The following DOCK8 variants were observed in gnomAD, a reference collection of about 807,000 sequenced individuals.
DOCK8 encodes the protein dedicator of cytokinesis 8.
In DOCK8, 141 loss-of-function variants were observed where a neutral mutation model predicts 245.6. The ratio of observed to expected loss-of-function variants is 0.57; its 90% CI spans 0.50 to 0.66. DOCK8 has a LOEUF of 0.66. Ranked by LOEUF, DOCK8 falls within the 30% of genes least tolerant of loss-of-function variation. The probability of loss-of-function intolerance (pLI) is 0.00; values close to 1 mark genes in which losing one functional copy is unlikely to be tolerated. For missense variants in DOCK8, 2,965 were observed against 2,603.4 expected, an observed-to-expected ratio of 1.14 and a Z score of -3.02; for synonymous variants, 1,168 against 970.2, an observed-to-expected ratio of 1.20 and a Z score of -3.79.
intron 14 of DOCK8, chr9:365,465 G>C (rs1036822705): frequency 7.4e-6 from 3 of 405,738 alleles, no homozygotes; most frequent in Non-Finnish European, 1.4e-5. Flanking sequence ...ACAGAAGTAA[G>C]TCACTTCTCA....
At chr9:333,147 C>T (rs1055521463) in intron 10 of DOCK8, among the ~76,000 whole-genome samples, 2 of 152,194 alleles carry the variant, frequency 1.3e-5, no homozygotes, top group Non-Finnish European at 2.9e-5. Context: ...TGGCCTTCCT[C>T]AACAGCATGG....
rs750458976 is a variant in DOCK8 at position 433,884 on chromosome 9, C to G, written c.4795C>G (p.Leu1599Val). The change falls in exon 38 of 48, where the codon CTT (leucine) becomes GTT (valine). Residue 1599 changes from leucine to valine, a missense_variant. Physicochemically the swap from Leu to Val is conservative, Grantham distance 32 (BLOSUM62 1). Coordinates refer to ENST00000432829, the MANE Select transcript of DOCK8 (RefSeq NM_203447.4). The stretch of plus-strand genomic sequence containing the variant: ...CTTACACTTTTTGCAGGTGGAGGAA[C>G]TTCTCTGTAATCTGAATAGCATCTT... Reference protein sequence around the residue: ...MTPFPTQVEELLCNLNSILYD... With the variant: ...MTPFPTQVEEVLCNLNSILYD... The G allele has an allele frequency of 3.7e-6, 6 of 1,613,848 alleles. No homozygotes were observed. In the East Asian group the frequency reaches 6.7e-5, roughly 18 times the overall value.
chr9:369,948 T>C, intron 15 of DOCK8: 1 of 446,506 alleles, frequency 2.2e-6, no homozygotes, highest in African/African-American at 2.0e-5. Context: ...ACTATACGCA[T>C]GTGCCACCAC....
intron 33 of DOCK8, among the ~76,000 whole-genome samples, chr9:423,479 A>G (rs2056361135): frequency 6.6e-6 from 1 of 152,218 alleles, no homozygotes; most frequent in African/African-American, 2.4e-5. Context: ...CAAAGGGGGT[A>G]TGGGGCAGAC....
intron 1 of DOCK8, among the ~76,000 whole-genome samples, chr9:264,379 A>G (rs986783379): frequency 9.2e-5 from 14 of 152,236 alleles, no homozygotes; most frequent in African/African-American, 3.4e-4. Flanking sequence ...CCCTGTGAGG[A>G]AGAAACATAA....
Position 215,747 on chromosome 9 carries a change from A to T in DOCK8, c.53+718A>T, listed in dbSNP as rs547561050. On this transcript the variant is annotated intron_variant, in intron 1 of 47. Coordinates refer to ENST00000432829, the MANE Select transcript of DOCK8 (RefSeq NM_203447.4). ...TCCAATTCCTAATCAAAGTTGCACA[A>T]ACTAAATATGTAAGCACATTTACTG... is the stretch of plus-strand genomic sequence containing the variant. 2.1e-5 allele frequency: 5 copies of T among 237,412 alleles called. No individual in the cohort carries two copies. In the East Asian group the frequency reaches 4.7e-4, roughly 22 times the overall value. The allele number at this position is 237,412 out of a possible 1,614,324, so 14.7% of individuals were successfully genotyped here.
upstream of DOCK8, chr9:214,489 A>G: frequency 2.5e-6 from 4 of 1,607,422 alleles, no homozygotes; most frequent in Non-Finnish European, 3.4e-6. Flanking sequence ...AATGGTGTCA[A>G]CCCTTAATAA....
intron 1 of DOCK8, among the ~76,000 whole-genome samples, chr9:238,717 A>G (rs1216811697): frequency 6.6e-6 from 1 of 152,240 alleles, no homozygotes; most frequent in Non-Finnish European, 1.5e-5. Context: ...TTCCAGTTAC[A>G]AAATATCACC....
rs759571992 is a variant in DOCK8, at chr9:428,471, C to T, written c.4448C>T (p.Ala1483Val). ...ACCACCTACCTGACTCACTGCTTTG[C>T]AACACTCCGTGCTCTCATCGCCAAG... ...QSTTYLTHCF[A>V]TLRALIAKFG... Residue 1483 changes from alanine to valine, a missense_variant, in exon 35 of 48, where the codon GCA (alanine) becomes GTA (valine). Coordinates refer to ENST00000432829, the MANE Select transcript of DOCK8 (RefSeq NM_203447.4). 4.3e-6 allele frequency: 7 copies of T among 1,614,090 alleles called. No individual in the cohort carries two copies. Among genetic ancestry groups the T allele is most frequent in the African/African-American group, 1.3e-5 (1 of 74,924 alleles).
chr9:419,516 C>T (rs1038627381), intron 30 of DOCK8, among the ~76,000 whole-genome samples: 10 of 152,200 alleles, frequency 6.6e-5, no homozygotes, highest in Admixed American at 2.0e-4. Context: ...GAGGTTGTAT[C>T]TCAAGATTTC....
intron 20 of DOCK8, among the ~76,000 whole-genome samples, 200 bp downstream of exon 20, chr9:377,411 T>A (rs1486518071): frequency 6.6e-6 from 1 of 152,172 alleles, no homozygotes; most frequent in Admixed American, 6.5e-5. Context: ...AACATTAAAA[T>A]AGGGTTCTTA....
At chr9:392,290 CCACTGGGGAG>C (rs1189880769) in intron 24 of DOCK8, among the ~76,000 whole-genome samples, 1 of 152,022 alleles carries the variant, frequency 6.6e-6, no homozygotes, top group Non-Finnish European at 1.5e-5. Context: ...AATGAACCAT[CCACTGGGGAG>C]GAAATAGGAA....
intron 26 of DOCK8, among the ~76,000 whole-genome samples, chr9:401,079 CCA>C (rs763870666): frequency 1.3e-4 from 2 of 15,322 alleles, no homozygotes. Context: ...ATCATCACCA[CCA>C]CCACCTCCAC....
At chr9:318,332 G>A (rs10969887) in intron 7 of DOCK8, among the ~76,000 whole-genome samples, 32,427 of 152,080 alleles carry the variant, frequency 0.21, 3,519 homozygotes, top group Admixed American at 0.25. Context: ...TCCCTTCAGC[G>A]GCCCCTGGTT....
At chr9:265,843 C>T (rs904625422) in intron 1 of DOCK8, among the ~76,000 whole-genome samples, 2 of 152,144 alleles carry the variant, frequency 1.3e-5, no homozygotes, top group African/African-American at 4.8e-5. Context: ...CAGGACTATA[C>T]AGCCCAGCCC....
Position 446,569 on chromosome 9 carries a change from A to C in DOCK8, c.5780A>C (p.Tyr1927Ser). Residue 1927 changes from tyrosine to serine, a missense_variant, in exon 44 of 48, where the codon TAC (tyrosine) becomes TCC (serine). By Grantham distance (144) the Tyr-to-Ser change is moderately radical. Coordinates refer to ENST00000432829, the MANE Select transcript of DOCK8 (RefSeq NM_203447.4). The part of the protein sequence containing the change: ...TVLTTMHAFP[Y>S]IKTRISVIQK... ...CTGACCACTATGCACGCCTTCCCCT[A>C]CATCAAGACCAGGATCAGCGTCATC... 6.2e-7 allele frequency: 1 copy of C among 1,614,230 alleles called. No individual in the cohort carries two copies. The highest frequency in any genetic ancestry group is 1.6e-4 in the Middle Eastern group (1 of 6,062).
At chr9:383,498 C>G (rs1416207406) in intron 22 of DOCK8, among the ~76,000 whole-genome samples, 2 of 152,118 alleles carry the variant, frequency 1.3e-5, no homozygotes, top group African/African-American at 4.8e-5. Context: ...TGCCATTTCA[C>G]TCTAGCCTGG....
At chr9:334,789 A>C (rs1333878157) in intron 11 of DOCK8, among the ~76,000 whole-genome samples, 1 of 152,092 alleles carries the variant, frequency 6.6e-6, no homozygotes, top group Non-Finnish European at 1.5e-5. Context: ...CAAAAAGCAA[A>C]ACTCAACAGG....
intron 22 of DOCK8, among the ~76,000 whole-genome samples, chr9:383,970 T>A (rs1233904001): frequency 2.4e-4 from 36 of 152,208 alleles, no homozygotes; most frequent in Admixed American, 2.4e-3. Flanking sequence ...TGGAATATTA[T>A]TCATTAAGTT....
Sources: gnomAD v4.1 joint callset for allele counts (sites outside exome capture counted in the v4.1 genomes callset) on GRCh38, gnomAD v4.1.1 for gene constraint, MANE v1.5 for transcripts, NCBI Gene and HGNC (gene_info 2026-07-23, HGNC 2026-07-21) for gene names.